The following ASB3 variants were observed in gnomAD, a reference collection of about 807,000 sequenced individuals.
The protein encoded by ASB3 is ankyrin repeat and SOCS box containing 3, also known as ankyrin repeat and SOCS box protein 3.
A neutral mutation model predicts 54.5 loss-of-function variants in ASB3; 41 were observed. The ratio of observed to expected loss-of-function variants is 0.75; its 90% confidence interval spans 0.59 to 0.98. The LOEUF (loss-of-function observed/expected upper bound fraction) is 0.98. Ranked by LOEUF, ASB3 falls within the 50% of genes least tolerant of loss-of-function variation. ASB3 has a pLI of 0.00. For missense variants in ASB3, 733 were observed against 620.0 expected (o/e 1.18, Z -1.94); for synonymous variants, 266 against 221.2 (o/e 1.20, Z -1.80).
chr2:53,734,900 T>A (rs989271099), intron 3 of ASB3, among the ~76,000 whole-genome samples: 1 of 151,462 alleles, frequency 6.6e-6, no homozygotes, highest in Non-Finnish European at 1.5e-5. Context: ...TATTTTTTTA[T>A]TCCTTTACTT....
chr2:53,719,544 G>A (rs1670583637), intron 5 of ASB3, among the ~76,000 whole-genome samples: 1 of 151,840 alleles, frequency 6.6e-6, no homozygotes, highest in South Asian at 2.1e-4. Context: ...CCAGCCCCGA[G>A]ATAACTCCCT....
intron 8 of ASB3, 99 bp from the exon 9 acceptor site, chr2:53,694,113 G>C (rs911674516): frequency 1.4e-6 from 2 of 1,399,344 alleles, no homozygotes. Flanking sequence ...AAATCTCAAT[G>C]AGGAGGGCAG....
chr2:53,743,845 C>T (rs916978574), intron 3 of ASB3, among the ~76,000 whole-genome samples: 1 of 151,790 alleles, frequency 6.6e-6, no homozygotes, highest in African/African-American at 2.4e-5. Flanking sequence ...GATTTTGAGA[C>T]CAGCCTGGCC....
intron 3 of ASB3, among the ~76,000 whole-genome samples, chr2:53,737,383 G>C (rs942065538): frequency 6.6e-6 from 1 of 152,184 alleles, no homozygotes; most frequent in Non-Finnish European, 1.5e-5. Flanking sequence ...TAGAATTTAA[G>C]TGGTTGAAAT....
intron 1 of ASB3, chr2:53,767,849 A>G: frequency 1.3e-6 from 2 of 1,578,212 alleles, no homozygotes; most frequent in Non-Finnish European, 1.7e-6. Context: ...GGCGACAGCT[A>G]GGGTTCACGG....
At chr2:53,771,332 T>C (rs542827369) in intron 1 of ASB3, among the ~76,000 whole-genome samples, 2 of 151,962 alleles carry the variant, frequency 1.3e-5, no homozygotes, top group Non-Finnish European at 2.9e-5. Flanking sequence ...CTGGCCAACA[T>C]GGTAAACCCG....
At chr2:53,680,478 T>C (rs987422742) in intron 9 of ASB3, among the ~76,000 whole-genome samples, 1 of 152,254 alleles carries the variant, frequency 6.6e-6, no homozygotes, top group African/African-American at 2.4e-5. Flanking sequence ...TTGATTTGGA[T>C]TTCTCTAATG....
chr2:53,743,569 G>T (rs1471250559), intron 3 of ASB3, among the ~76,000 whole-genome samples: 1 of 152,154 alleles, frequency 6.6e-6, no homozygotes, highest in African/African-American at 2.4e-5. Context: ...AAAGCGGGGG[G>T]AGAAAGAGAG....
Position 53,728,797 on chromosome 2 carries a change from T to C in ASB3, c.519A>G (p.Glu173=). The C allele has an allele frequency of 6.2e-7, 1 of 1,612,636 alleles. No individual in the cohort carries two copies. The highest frequency in any genetic ancestry group is 2.2e-5 in the East Asian group (1 of 44,830). ...KLLLRKGANK[E]CQDDFGITPL... ...GTGTGATTCCAAAGTCATCCTGGCA[T>C]TCCTTGTTTGCTCCTTTTCTAAGAA... The change falls in exon 5 of 10, where the codon GAA becomes GAG. Residue 173 remains glutamate (E), a synonymous_variant. Coordinates refer to ENST00000263634, the MANE Select transcript of ASB3 (RefSeq NM_016115.5).
intron 9 of ASB3, among the ~76,000 whole-genome samples, chr2:53,691,756 C>T (rs1355116007): frequency 2.0e-5 from 3 of 152,072 alleles, no homozygotes; most frequent in Admixed American, 1.3e-4. Flanking sequence ...AGTCACAATC[C>T]CATCTGAAAG....
chr2:53,734,017 C>A (rs112486141), intron 3 of ASB3, among the ~76,000 whole-genome samples: 1 of 152,194 alleles, frequency 6.6e-6, no homozygotes, highest in African/African-American at 2.4e-5. Flanking sequence ...ACAGATCGGT[C>A]ACGCTATTGT....
chr2:53,690,300 T>C (rs1215338458), intron 9 of ASB3, among the ~76,000 whole-genome samples: 1 of 152,120 alleles, frequency 6.6e-6, no homozygotes, highest in Non-Finnish European at 1.5e-5. Context: ...AGACATACAA[T>C]ATTTAGAGAG....
chr2:53,735,375 A>G (rs1027271177), intron 3 of ASB3, among the ~76,000 whole-genome samples: 2 of 152,040 alleles, frequency 1.3e-5, no homozygotes, highest in African/African-American at 4.8e-5. Context: ...ACATTCTATC[A>G]GCCCCTTAAA....
At chr2:53,671,375 T>A (rs1330867132) in intron 9 of ASB3, among the ~76,000 whole-genome samples, 10 of 151,706 alleles carry the variant, frequency 6.6e-5, no homozygotes, top group African/African-American at 2.4e-4. Flanking sequence ...TGTGTGTGTG[T>A]GTGTGTGTGT....
chr2:53,702,934 G>T (rs756422413), intron 7 of ASB3, among the ~76,000 whole-genome samples: 5 of 152,148 alleles, frequency 3.3e-5, no homozygotes, highest in Non-Finnish European at 5.9e-5. Flanking sequence ...AATGGCTTTC[G>T]ACCATTAGCT....
At chr2:53,740,917 C>T (rs934551617) in intron 3 of ASB3, among the ~76,000 whole-genome samples, 11 of 152,294 alleles carry the variant, frequency 7.2e-5, no homozygotes, top group African/African-American at 2.6e-4. Flanking sequence ...TCCCCAGCAG[C>T]AGAGTCAAGA....
intron 1 of ASB3, among the ~76,000 whole-genome samples, chr2:53,785,463 A>G (rs1417952454): frequency 6.6e-6 from 1 of 151,946 alleles, no homozygotes; most frequent in East Asian, 1.9e-4. Context: ...TATTACTACT[A>G]TAATAGTTTG....
intron 7 of ASB3, among the ~76,000 whole-genome samples, chr2:53,710,309 A>G (rs915144665): frequency 2.6e-5 from 4 of 152,234 alleles, no homozygotes; most frequent in African/African-American, 9.6e-5. Context: ...GAGTCCATGT[A>G]GTAAATTTTT....
chr2:53,733,215 C>T (rs1671417699), intron 3 of ASB3, among the ~76,000 whole-genome samples: 1 of 152,114 alleles, frequency 6.6e-6, no homozygotes, highest in Non-Finnish European at 1.5e-5. Context: ...GCCTTGAGAG[C>T]TATCTAGATG....
Sources: gnomAD v4.1 joint callset for allele counts (sites outside exome capture counted in the v4.1 genomes callset) on GRCh38, gnomAD v4.1.1 for gene constraint, MANE v1.5 for transcripts, NCBI Gene and HGNC (gene_info 2026-07-23, HGNC 2026-07-21) for gene names.